Variants in FBN2 observed in about 807,000 individuals in gnomAD.
FBN2 encodes the protein fibrillin-2.
Under a neutral mutation model 355.6 loss-of-function variants are expected in FBN2, and 105 were observed. The observed-to-expected ratio is 0.30, with a 90% confidence interval of 0.25 to 0.35. The LOEUF is 0.35. FBN2 is among the 10% of genes least tolerant of loss of function. The pLI, the probability that FBN2 is intolerant of heterozygous loss-of-function variation, is 1.00. For synonymous variants in FBN2, 1,350 were observed against 1,301.2 expected (o/e 1.04, Z -0.81); for missense variants, 3,280 against 3,758.7 (o/e 0.87, Z 3.33).
chr5:128,434,949 T>C (rs1235837862), intron 7 of FBN2, among the ~76,000 whole-genome samples: 1 of 152,144 alleles, frequency 6.6e-6, no homozygotes, highest in East Asian at 1.9e-4. Context: ...AGGCTCTCAA[T>C]TTTTCCAGTC....
chr5:128,448,501 T>A (rs1289216119), intron 6 of FBN2, among the ~76,000 whole-genome samples: 1 of 151,956 alleles, frequency 6.6e-6, no homozygotes, highest in Non-Finnish European at 1.5e-5. Context: ...GAGATGGGGT[T>A]TCTCCATGTT....
chr5:128,472,185 A>G (rs1052230033), intron 5 of FBN2, among the ~76,000 whole-genome samples: 3 of 152,242 alleles, frequency 2.0e-5, no homozygotes, highest in Non-Finnish European at 4.4e-5. Context: ...AGCCTTAGAA[A>G]GGAAGAAAAT....
intron 5 of FBN2, among the ~76,000 whole-genome samples, chr5:128,479,964 CTCTCTCTCTCTCTATATATATATATA>C (rs1288692044): frequency 5.4e-4 from 19 of 34,876 alleles, no homozygotes; most frequent in East Asian, 1.9e-3. Flanking sequence ...CTCTCTCTCT[CTCTCTCTCTCTCTATATATATATATA>C]TATATATATA....
chr5:128,477,265 T>C (rs1282058355), intron 5 of FBN2, among the ~76,000 whole-genome samples: 4 of 152,206 alleles, frequency 2.6e-5, no homozygotes, highest in African/African-American at 4.8e-5. Flanking sequence ...AGCATTTCCA[T>C]CATCCCAGAA....
intron 6 of FBN2, among the ~76,000 whole-genome samples, chr5:128,448,551 C>T (rs1020878267): frequency 6.6e-6 from 1 of 152,096 alleles, no homozygotes; most frequent in Non-Finnish European, 1.5e-5. Context: ...AGATGATCTG[C>T]CCGCCTCGGC....
At chr5:128,424,809 T>G (rs1753443864) in intron 7 of FBN2, among the ~76,000 whole-genome samples, 1 of 152,124 alleles carries the variant, frequency 6.6e-6, no homozygotes, top group Non-Finnish European at 1.5e-5. Context: ...CATGAAGTAA[T>G]AATGGTGGCA....
chr5:128,351,319 G>C (rs1157393108), intron 20 of FBN2, among the ~76,000 whole-genome samples: 1 of 152,170 alleles, frequency 6.6e-6, no homozygotes, highest in Non-Finnish European at 1.5e-5. Context: ...GGCCGAGGCA[G>C]GTGGATCACC....
At chr5:128,271,446 G>A (rs1248931460) in intron 62 of FBN2, among the ~76,000 whole-genome samples, 1 of 152,210 alleles carries the variant, frequency 6.6e-6, no homozygotes, top group Non-Finnish European at 1.5e-5. Context: ...ATCAATGCAA[G>A]GAACAGAGCT....
intron 64 of FBN2, among the ~76,000 whole-genome samples, chr5:128,261,159 C>T (rs1015621166): frequency 1.3e-4 from 20 of 152,122 alleles, no homozygotes; most frequent in Non-Finnish European, 2.9e-5. Flanking sequence ...CAGGGAGTTA[C>T]GTTCAAAACC....
rs1396044547 is a variant in FBN2 at position 128,296,394 on chromosome 5, A to G, written c.6166+4423T>C. On this transcript the variant is annotated intron_variant, in intron 48 of 64. Coordinates refer to ENST00000262464, the MANE Select transcript of FBN2 (RefSeq NM_001999.4). ...ATTCCCTCTTTTTCTATTGATTGGA[A>G]TAGTTTCAGAAGGAATGGTACCAGT... Among the ~76,000 whole-genome samples the G allele has an allele frequency of 2.0e-5, 3 of 152,024 alleles. No individual in the cohort carries two copies. The East Asian group carries it at 5.8e-4, about 29-fold the overall frequency.
intron 34 of FBN2, among the ~76,000 whole-genome samples, chr5:128,327,192 C>A (rs1052975169): frequency 2.6e-5 from 4 of 152,214 alleles, no homozygotes; most frequent in African/African-American, 9.6e-5. Context: ...TTAGATTCTG[C>A]CCAATCTTGT....
In FBN2 at chr5:128,426,418, A is replaced by T. The variant is rs75694636; in HGVS notation, c.953-17619T>A. On this transcript the variant is annotated intron_variant, in intron 7 of 64. Coordinates refer to ENST00000262464, the MANE Select transcript of FBN2 (RefSeq NM_001999.4). ...TTAGGACGATAAGTCATGAAGCTGA[A>T]AGTGTTTTGAATAGTTTCATGTCAA... Among the ~76,000 whole-genome samples the T allele has an allele frequency of 7.4e-3, 1,121 of 152,268 alleles. 14 individuals carry two copies. The highest frequency in any genetic ancestry group is 0.025 in the African/African-American group (1,054 of 41,548).
chr5:128,307,228 C>A (rs749636663), intron 41 of FBN2, 25 bp from the exon 42 acceptor site: 4 of 1,363,616 alleles, frequency 2.9e-6, no homozygotes, highest in Admixed American at 3.4e-5. Flanking sequence ...CAAAGCAATG[C>A]ACTCTTAAAT....
At chr5:128,336,294 G>A (rs1750840585) in intron 27 of FBN2, among the ~76,000 whole-genome samples, 181 bp from the exon 28 acceptor site, 1 of 152,182 alleles carries the variant, frequency 6.6e-6, no homozygotes, top group South Asian at 2.1e-4. Flanking sequence ...CAACAATACT[G>A]TTGAGTAAAG....
At chr5:128,389,651 T>C (rs1752459994) in intron 11 of FBN2, among the ~76,000 whole-genome samples, 3 of 152,206 alleles carry the variant, frequency 2.0e-5, no homozygotes, top group Non-Finnish European at 4.4e-5. Flanking sequence ...CTGCACAGGC[T>C]GGAGTCCTGT....
intron 19 of FBN2, 54 bp from the exon 20 acceptor site, chr5:128,357,449 T>C (rs933950905): frequency 1.8e-5 from 29 of 1,608,932 alleles, no homozygotes; most frequent in Non-Finnish European, 2.4e-5. Context: ...TTCTGGAAAA[T>C]ATTATTCCAA....
chr5:128,377,820 G>C lies in FBN2; in HGVS notation c.1781C>G (p.Thr594Arg), dbSNP rs1192240311. ...VLCKNGRCVN[T>R]DGSFQCICNA... ...GCAAATGCACTGGAAACTTCCATCT[G>C]TGTTCACGCATCGACCGTTTTTACA... is the stretch of plus-strand genomic sequence containing the variant. The change falls in exon 13 of 65, where the codon ACA (threonine) becomes AGA (arginine). Residue 594 changes from threonine to arginine, a missense_variant. Transcript: ENST00000262464. 2 of 1,613,378 alleles carry C rather than the reference G, an allele frequency of 1.2e-6. No homozygotes were observed. Among genetic ancestry groups the C allele is most frequent in the African/African-American group, 1.3e-5 (1 of 74,892 alleles).
chr5:128,440,381 T>C (rs935638313), intron 7 of FBN2, among the ~76,000 whole-genome samples: 2 of 152,112 alleles, frequency 1.3e-5, no homozygotes, highest in African/African-American at 4.8e-5. Flanking sequence ...GAAGCATGGC[T>C]AGGGAAGCTT....
intron 55 of FBN2, among the ~76,000 whole-genome samples, chr5:128,285,617 T>C (rs1442457180): frequency 6.7e-6 from 1 of 149,754 alleles, no homozygotes; most frequent in Non-Finnish European, 1.5e-5. Flanking sequence ...ACCACTCCTA[T>C]CAATCATGCA....
Sources: allele counts gnomAD v4.1 joint callset (sites outside exome capture counted in the v4.1 genomes callset), GRCh38; gene constraint gnomAD v4.1.1; transcripts MANE v1.5; gene names NCBI Gene and HGNC (gene_info 2026-07-23, HGNC 2026-07-21).